SLC38A11: variants seen among roughly 807,000 people sequenced by gnomAD.
The protein encoded by SLC38A11 is putative sodium-coupled neutral amino acid transporter 11.
A neutral mutation model predicts 49.4 loss-of-function variants in SLC38A11; 51 were observed. That is an observed-to-expected ratio of 1.03 (90% CI 0.83 to 1.30). The LOEUF is 1.30. Among genes scored for constraint, SLC38A11 ranks in the 50% most tolerant of loss-of-function variants. The pLI, the probability that SLC38A11 is intolerant of heterozygous loss-of-function variation, is 0.00. For synonymous variants in SLC38A11, 203 were observed against 192.9 expected (o/e 1.05, Z -0.43); for missense variants, 574 against 556.2 (o/e 1.03, Z -0.32).
At chr2:164,926,241 A>G (rs961478552) in intron 7 of SLC38A11, among the ~76,000 whole-genome samples, 2 of 152,172 alleles carry the variant, frequency 1.3e-5, no homozygotes, top group South Asian at 2.1e-4. Context: ...TCAATGCCCT[A>G]TCAACTAAAG....
At chr2:164,903,884 T>C (rs1447701961) in intron 11 of SLC38A11, among the ~76,000 whole-genome samples, 2 of 152,124 alleles carry the variant, frequency 1.3e-5, no homozygotes. Flanking sequence ...TGCCTGAATT[T>C]TCCTACCTGA....
intron 8 of SLC38A11, 33 bp from the exon 9 acceptor site, chr2:164,915,306 C>A (rs1401765096): frequency 1.3e-6 from 2 of 1,559,178 alleles, no homozygotes; most frequent in African/African-American, 1.4e-5. Flanking sequence ...ATTATTAAAT[C>A]AAGCACCAGG....
chr2:164,916,019 A>G, intron 7 of SLC38A11, 46 bp from the exon 8 acceptor site: 4 of 1,330,096 alleles, frequency 3.0e-6, no homozygotes, highest in Non-Finnish European at 4.3e-6. Flanking sequence ...AATAAATACA[A>G]GCATCAGTAT....
intron 11 of SLC38A11, among the ~76,000 whole-genome samples, chr2:164,899,450 A>G (rs1309284207): frequency 1.3e-5 from 2 of 152,154 alleles, no homozygotes; most frequent in Non-Finnish European, 2.9e-5. Context: ...TTATAAAAAT[A>G]CCAACAGCTA....
At chr2:164,945,272 A>T (rs58971374) in intron 4 of SLC38A11, among the ~76,000 whole-genome samples, 37 of 131,896 alleles carry the variant, frequency 2.8e-4, no homozygotes, top group East Asian at 8.9e-4. Context: ...TTTTTTTTTT[A>T]AAGTATTAAG....
intron 7 of SLC38A11, among the ~76,000 whole-genome samples, chr2:164,932,847 C>T (rs1295703015): frequency 1.3e-5 from 2 of 151,992 alleles, no homozygotes; most frequent in Non-Finnish European, 2.9e-5. Flanking sequence ...TACAAGTTTA[C>T]CTATATAACA....
chr2:164,899,194 T>C (rs1355345786), intron 11 of SLC38A11, among the ~76,000 whole-genome samples: 1 of 152,156 alleles, frequency 6.6e-6, no homozygotes, highest in African/African-American at 2.4e-5. Flanking sequence ...GTCTGTCTTC[T>C]TTACCTGAGC....
chr2:164,907,365 C>T (rs1054303980), intron 11 of SLC38A11, among the ~76,000 whole-genome samples: 2 of 145,532 alleles, frequency 1.4e-5, no homozygotes, highest in Non-Finnish European at 1.5e-5. Flanking sequence ...CCTCTACCTC[C>T]TGGGCTCAAG....
chr2:164,928,216 T>A (rs569472255), intron 7 of SLC38A11, among the ~76,000 whole-genome samples: 2 of 152,338 alleles, frequency 1.3e-5, no homozygotes, highest in African/African-American at 4.8e-5. Context: ...CCACTAGCTC[T>A]AACAGTGAGT....
chr2:164,929,464 G>A (rs1686833151), intron 7 of SLC38A11, among the ~76,000 whole-genome samples: 1 of 152,110 alleles, frequency 6.6e-6, no homozygotes, highest in Admixed American at 6.6e-5. Flanking sequence ...TTCTGTGAGT[G>A]AAGTTGGAGG....
At chr2:164,929,158 CACTTACATCTT>C (rs1686806741) in intron 7 of SLC38A11, among the ~76,000 whole-genome samples, 1 of 152,230 alleles carries the variant, frequency 6.6e-6, no homozygotes, top group East Asian at 1.9e-4. Flanking sequence ...TCCTATCACT[CACTTACATCTT>C]AATTTTCTCT....
intron 7 of SLC38A11, among the ~76,000 whole-genome samples, chr2:164,923,486 C>T (rs1686350918): frequency 6.6e-6 from 1 of 151,422 alleles, no homozygotes. Flanking sequence ...CTCAACATTA[C>T]TAATTATCAG....
intron 1 of SLC38A11, 39 bp downstream of exon 1, chr2:164,955,170 G>C: frequency 5.8e-6 from 9 of 1,547,408 alleles, no homozygotes; most frequent in Non-Finnish European, 7.0e-6. Flanking sequence ...GAAATTTCCG[G>C]ACAACTGGCT....
At chr2:164,908,042 A>G (rs1179014707) in intron 11 of SLC38A11, 2 of 152,186 alleles carry the variant, frequency 1.3e-5, no homozygotes, top group African/African-American at 2.4e-5. Flanking sequence ...CTGTGATATT[A>G]TGAGGACTTC....
rs1423977010 is a variant in SLC38A11 at position 164,897,329 on chromosome 2, C to G, written c.*1108G>C. 1 of 152,202 alleles carries G rather than the reference C, an allele frequency of 6.6e-6. No individual in the cohort carries two copies. Among genetic ancestry groups the G allele is most frequent in the African/African-American group, 2.4e-5 (1 of 41,428 alleles). 9.4% of individuals were successfully genotyped at this position (152,202 alleles called of 1,614,324 possible). A position where few individuals can be genotyped will look rare whatever the true frequency, so the allele number is the denominator to read the frequency against. On this transcript the variant is annotated 3_prime_UTR_variant, in exon 12 of 12. Coordinates refer to ENST00000685975, the MANE Select transcript of SLC38A11 (RefSeq NM_001351537.2). ...AAGAACTCATCCTTCTCCAGATGCT[C>G]ACATTAAATGACTGATGGAGGCAGC...
At chr2:164,948,299 A>G (rs779340080) in intron 3 of SLC38A11, among the ~76,000 whole-genome samples, 4 of 152,222 alleles carry the variant, frequency 2.6e-5, no homozygotes, top group Non-Finnish European at 5.9e-5. Flanking sequence ...GAGTCAGATA[A>G]TAATGATAAC....
In SLC38A11 at chr2:164,897,805, A is replaced by G. The variant is rs1276243185; in HGVS notation, c.*632T>C. ...AATGGTGCTACCATTGTATTCCCAC[A>G]GCATCAGAAGATGGGAGGTGATTTT... On this transcript the variant is annotated 3_prime_UTR_variant, in exon 12 of 12. Coordinates refer to ENST00000685975, the MANE Select transcript of SLC38A11 (RefSeq NM_001351537.2). 1 of 152,138 alleles carries G rather than the reference A, an allele frequency of 6.6e-6. No individual in the cohort carries two copies. Among genetic ancestry groups the G allele is most frequent in the East Asian group, 1.9e-4 (1 of 5,178 alleles). 9.4% of individuals were successfully genotyped at this position (152,138 alleles called of 1,614,324 possible).
At chr2:164,924,209 C>T (rs1686411201) in intron 7 of SLC38A11, among the ~76,000 whole-genome samples, 1 of 152,084 alleles carries the variant, frequency 6.6e-6, no homozygotes, top group South Asian at 2.1e-4. Context: ...AGCAAATTAA[C>T]ACAGGAACAG....
chr2:164,930,716 T>TA (rs1312698175), intron 7 of SLC38A11, among the ~76,000 whole-genome samples: 1 of 152,090 alleles, frequency 6.6e-6, no homozygotes, highest in Non-Finnish European at 1.5e-5. Flanking sequence ...CGCTTCACGT[T>TA]AAAAACTCTG....
Sources: allele counts gnomAD v4.1 joint callset (sites outside exome capture counted in the v4.1 genomes callset), GRCh38; gene constraint gnomAD v4.1.1; transcripts MANE v1.5; gene names NCBI Gene and HGNC (gene_info 2026-07-23, HGNC 2026-07-21).